The following MND1 variants were observed in gnomAD, a reference collection of about 807,000 sequenced individuals.
MND1 encodes the protein meiotic nuclear division protein 1 homolog.
A neutral mutation model predicts 35.1 loss-of-function variants in MND1; 28 were observed. The ratio of observed to expected loss-of-function variants is 0.80; its 90% confidence interval spans 0.59 to 1.09. The LOEUF is 1.09. Among genes scored for constraint, MND1 ranks in the 50% least tolerant of loss-of-function variants. The pLI, the probability that MND1 is intolerant of heterozygous loss-of-function variation, is 0.00. For missense variants in MND1, 213 were observed against 239.6 expected (o/e 0.89, Z 0.73); for synonymous variants, 69 against 70.5 (o/e 0.98, Z 0.11).
rs375057569 is a variant in MND1, at chr4:153,394,296, A to G, written c.311A>G (p.Gln104Arg). 6.2e-7 allele frequency: 1 copy of G among 1,612,768 alleles called. No homozygotes were observed. The highest frequency in any genetic ancestry group is 1.3e-5 in the African/African-American group (1 of 74,896). The change falls in exon 5 of 8, where the codon CAG (glutamine) becomes CGG (arginine). Residue 104 changes from glutamine to arginine, a missense_variant. Transcript: ENST00000240488. ...SEGSQKHASL[Q>R]KSIEKAKIGR... ...GGAAGTCAAAAGCATGCAAGCCTAC[A>G]GAAAAGCATTGAGAAAGCTAAAATT... is the stretch of plus-strand genomic sequence containing the variant.
Position 153,356,763 on chromosome 4 carries a change from A to G in MND1, c.127+1052A>G, listed in dbSNP as rs17029888. Reference sequence around the variant, plus strand: ...ATTAATGGGGTTGAACATTTTTCTCATATATTGGCCATGCATATTTTATTT... The same window carrying G: ...ATTAATGGGGTTGAACATTTTTCTCGTATATTGGCCATGCATATTTTATTT... On this transcript the variant is annotated intron_variant, in intron 3 of 7. Coordinates refer to ENST00000240488, the MANE Select transcript of MND1 (RefSeq NM_032117.4). 4.6e-3 allele frequency among the ~76,000 whole-genome samples: 703 copies of G among 151,674 alleles called. 8 individuals carry two copies. The highest frequency in any genetic ancestry group is 0.016 in the African/African-American group (657 of 41,380).
intron 4 of MND1, among the ~76,000 whole-genome samples, chr4:153,365,637 T>C (rs1416433731): frequency 1.3e-5 from 2 of 152,202 alleles, no homozygotes; most frequent in Admixed American, 1.3e-4. Context: ...TCTTGCTCTG[T>C]CACCCAGGCT....
intron 4 of MND1, 115 bp from the exon 5 acceptor site, chr4:153,394,147 C>T (rs1729132859): frequency 2.6e-6 from 2 of 772,080 alleles, no homozygotes; most frequent in African/African-American, 1.8e-5. Context: ...CTGCCTGCCT[C>T]GGCCTGGGGC....
intron 4 of MND1, among the ~76,000 whole-genome samples, chr4:153,374,537 T>C (rs1404378982): frequency 1.3e-5 from 2 of 152,178 alleles, no homozygotes; most frequent in South Asian, 2.1e-4. Context: ...CTTAAGGTTA[T>C]AGTAAAGATC....
chr4:153,347,389 G>T (rs181508166), intron 1 of MND1, among the ~76,000 whole-genome samples: 8 of 152,274 alleles, frequency 5.3e-5, no homozygotes, highest in Admixed American at 2.0e-4. Context: ...AATTCACTAT[G>T]ATTAATTCAC....
chr4:153,348,263 T>A (rs1773119972), intron 1 of MND1, among the ~76,000 whole-genome samples: 1 of 152,108 alleles, frequency 6.6e-6, no homozygotes, highest in South Asian at 2.1e-4. Context: ...CTGGCTTGGG[T>A]CACGAGATAG....
intron 1 of MND1, among the ~76,000 whole-genome samples, chr4:153,345,164 C>G (rs1773043377): frequency 6.6e-6 from 1 of 152,062 alleles, no homozygotes; most frequent in Admixed American, 6.5e-5. Flanking sequence ...GTGGTGTAGC[C>G]CCCCCCATTA....
chr4:153,360,392 C>G (rs1414671035), intron 4 of MND1, among the ~76,000 whole-genome samples: 5 of 151,876 alleles, frequency 3.3e-5, no homozygotes, highest in Non-Finnish European at 7.4e-5. Context: ...TAGTCGTGGC[C>G]AAATCCAGGG....
At chr4:153,383,786 A>C in intron 4 of MND1, among the ~76,000 whole-genome samples, 1 of 152,232 alleles carries the variant, frequency 6.6e-6, no homozygotes, top group East Asian at 1.9e-4. Context: ...AAACTTAGTC[A>C]TATGGCTACA....
At chr4:153,414,380 C>T (rs1729776837) in intron 7 of MND1, among the ~76,000 whole-genome samples, 1 of 151,714 alleles carries the variant, frequency 6.6e-6, no homozygotes, top group South Asian at 2.1e-4. Flanking sequence ...CTCCCAGGTT[C>T]AAACGATTCT....
intron 3 of MND1, among the ~76,000 whole-genome samples, chr4:153,356,694 TAGTCA>T (rs1265459163): frequency 5.3e-5 from 8 of 152,066 alleles, no homozygotes; most frequent in Non-Finnish European, 1.2e-4. Context: ...TTTAATTTGG[TAGTCA>T]AGTCATGTCT....
At chr4:153,388,001 A>G (rs1463650957) in intron 4 of MND1, among the ~76,000 whole-genome samples, 1 of 152,058 alleles carries the variant, frequency 6.6e-6, no homozygotes, top group African/African-American at 2.4e-5. Flanking sequence ...TTTAATTTCT[A>G]AAAAAGAATA....
At chr4:153,412,375 A>G (rs1157766599) in intron 7 of MND1, among the ~76,000 whole-genome samples, 1 of 152,152 alleles carries the variant, frequency 6.6e-6, no homozygotes, top group Non-Finnish European at 1.5e-5. Context: ...ACCATCCTGG[A>G]GGATCAAATT....
chr4:153,366,973 C>T (rs773332841), intron 4 of MND1, among the ~76,000 whole-genome samples: 4 of 152,074 alleles, frequency 2.6e-5, no homozygotes, highest in Non-Finnish European at 5.9e-5. Flanking sequence ...TCTTAATCAC[C>T]GCTTCTCAAA....
intron 1 of MND1, 116 bp from the exon 2 acceptor site, chr4:153,349,948 G>T: frequency 3.0e-6 from 2 of 663,448 alleles, no homozygotes; most frequent in Non-Finnish European, 5.3e-6. Context: ...GACTTTGAGA[G>T]TATCAAACCT....
chr4:153,370,129 A>G (rs778405323), intron 4 of MND1, among the ~76,000 whole-genome samples: 1 of 151,886 alleles, frequency 6.6e-6, no homozygotes, highest in Non-Finnish European at 1.5e-5. Context: ...TTAAAATACA[A>G]AGATCAGCCG....
At chr4:153,345,546 C>T (rs1279839490) in intron 1 of MND1, 2 of 985,100 alleles carry the variant, frequency 2.0e-6, no homozygotes, top group African/African-American at 3.5e-5. Context: ...TTCTGCTCAT[C>T]AAATCATTTT....
intron 4 of MND1, among the ~76,000 whole-genome samples, chr4:153,380,366 C>T (rs1728642396): frequency 1.3e-5 from 2 of 152,028 alleles, no homozygotes; most frequent in Non-Finnish European, 2.9e-5. Flanking sequence ...GCTACTGTGT[C>T]CTACCATGAC....
chr4:153,387,610 T>TA, intron 4 of MND1, among the ~76,000 whole-genome samples: 1 of 151,368 alleles, frequency 6.6e-6, no homozygotes, highest in Middle Eastern at 3.2e-3. Context: ...AAATGAAAAA[T>TA]AAAAAAATTA....
Sources: gnomAD v4.1 joint callset for allele counts (sites outside exome capture counted in the v4.1 genomes callset) on GRCh38, gnomAD v4.1.1 for gene constraint, MANE v1.5 for transcripts, NCBI Gene and HGNC (gene_info 2026-07-23, HGNC 2026-07-21) for gene names.